The following DLGAP2 variants were observed in gnomAD, a reference collection of about 807,000 sequenced individuals.
DLGAP2 encodes the protein disks large-associated protein 2.
A neutral mutation model predicts 100.3 loss-of-function variants in DLGAP2; 26 were observed. The observed-to-expected ratio is 0.26, with a 90% CI of 0.19 to 0.36. The LOEUF (loss-of-function observed/expected upper bound fraction) is 0.36, where lower values mean the gene tolerates loss of function less well. Ranked by LOEUF, DLGAP2 falls within the 10% of genes least tolerant of loss-of-function variation. DLGAP2 has a pLI of 1.00. For missense variants in DLGAP2, 1,858 were observed against 1,453.2 expected (o/e 1.28, Z -4.53); for synonymous variants, 886 against 630.1 (o/e 1.41, Z -6.08).
chr8:1,603,336 G>A (rs906467576), intron 6 of DLGAP2, among the ~76,000 whole-genome samples: 1 of 151,318 alleles, frequency 6.6e-6, no homozygotes, highest in African/African-American at 2.4e-5. Flanking sequence ...GGTTAGAGTG[G>A]AGGCTGGGTC....
chr8:981,138 T>G (rs1355430111), intron 2 of DLGAP2, among the ~76,000 whole-genome samples: 1 of 152,134 alleles, frequency 6.6e-6, no homozygotes, highest in Admixed American at 6.6e-5. Flanking sequence ...AATTCCCCTA[T>G]GCTAGATATT....
At chr8:1,251,577 G>A (rs772594077) in intron 2 of DLGAP2, among the ~76,000 whole-genome samples, 83 of 152,290 alleles carry the variant, frequency 5.5e-4, no homozygotes, top group Middle Eastern at 3.4e-3. Flanking sequence ...GGGATTACAC[G>A]TGCAAGCCAC....
intron 1 of DLGAP2, among the ~76,000 whole-genome samples, chr8:791,130 T>A (rs191138127): frequency 6.6e-6 from 1 of 152,372 alleles, no homozygotes; most frequent in African/African-American, 2.4e-5. Context: ...CCCCGAATTT[T>A]AAAAATAATG....
At chr8:798,829 C>T (rs956362062) in intron 1 of DLGAP2, among the ~76,000 whole-genome samples, 46 of 149,606 alleles carry the variant, frequency 3.1e-4, no homozygotes, top group African/African-American at 1.0e-3. Flanking sequence ...CTTCCGTTGG[C>T]GCTGAAAGCA....
At chr8:975,683 A>G (rs1800144298) in intron 2 of DLGAP2, among the ~76,000 whole-genome samples, 1 of 152,210 alleles carries the variant, frequency 6.6e-6, no homozygotes, top group Non-Finnish European at 1.5e-5. Context: ...CCCAGCACCC[A>G]TTCATAATAA....
Position 1,464,729 on chromosome 8 carries a change from T to G in DLGAP2, c.107-36637T>G, listed in dbSNP as rs371741918. 1.1e-3 allele frequency among the ~76,000 whole-genome samples: 175 copies of G among 152,248 alleles called. 1 individual carries two copies. The highest frequency in any genetic ancestry group is 3.9e-3 in the African/African-American group (164 of 41,532). On this transcript the variant is annotated intron_variant, in intron 3 of 14. Coordinates refer to ENST00000637795, the MANE Select transcript of DLGAP2 (RefSeq NM_001346810.2). ...TCATTCTCCATGCTGAAAGTGACCT[T>G]GGGGGCCAGAAGGGCTCACTGCCTC...
chr8:1,167,786 G>C (rs1191751963), intron 2 of DLGAP2, among the ~76,000 whole-genome samples: 1 of 152,102 alleles, frequency 6.6e-6, no homozygotes, highest in African/African-American at 2.4e-5. Context: ...CTGACACTGA[G>C]GTACAAAGTC....
intron 6 of DLGAP2, among the ~76,000 whole-genome samples, chr8:1,616,269 G>T (rs1442513155): frequency 6.6e-6 from 1 of 152,110 alleles, no homozygotes; most frequent in Non-Finnish European, 1.5e-5. Flanking sequence ...GTAAGAAGAA[G>T]TGAAGGGACA....
intron 2 of DLGAP2, among the ~76,000 whole-genome samples, chr8:972,074 A>G (rs1045259765): frequency 2.0e-5 from 3 of 152,198 alleles, no homozygotes; most frequent in Non-Finnish European, 4.4e-5. Flanking sequence ...GGGGAAACCA[A>G]AAGTTGTAAC....
At chr8:1,310,947 A>T (rs560663318) in intron 3 of DLGAP2, among the ~76,000 whole-genome samples, 1 of 152,350 alleles carries the variant, frequency 6.6e-6, no homozygotes, top group Admixed American at 6.5e-5. Flanking sequence ...AGTAAAAAAG[A>T]GATCATTAAA....
intron 2 of DLGAP2, among the ~76,000 whole-genome samples, chr8:1,183,025 G>A (rs1369687308): frequency 1.3e-5 from 2 of 152,194 alleles, no homozygotes; most frequent in South Asian, 2.1e-4. Flanking sequence ...GCCAGTGCGG[G>A]GAACGTGAGA....
chr8:958,032 A>T (rs1030760001), intron 2 of DLGAP2, among the ~76,000 whole-genome samples: 2 of 152,186 alleles, frequency 1.3e-5, no homozygotes, highest in African/African-American at 4.8e-5. Flanking sequence ...ATTAAACAGC[A>T]GCCCTCGCTA....
At chr8:748,549 C>T (rs1268461794) in intron 1 of DLGAP2, among the ~76,000 whole-genome samples, 1 of 152,104 alleles carries the variant, frequency 6.6e-6, no homozygotes, top group African/African-American at 2.4e-5. Context: ...CAGCAGAGTC[C>T]AAAGCATAGA....
chr8:1,657,863 G>C (rs1454318859), intron 8 of DLGAP2, among the ~76,000 whole-genome samples: 1 of 152,112 alleles, frequency 6.6e-6, no homozygotes, highest in African/African-American at 2.4e-5. Flanking sequence ...ATAAACCCTG[G>C]TCCTTTTGTC....
At chr8:742,770 A>C (rs2132558574) in intron 1 of DLGAP2, among the ~76,000 whole-genome samples, 1 of 152,196 alleles carries the variant, frequency 6.6e-6, no homozygotes, top group South Asian at 2.1e-4. Context: ...GGCCTCCTCA[A>C]GTGCTGGGAT....
At position 1,000,668 on chromosome 8, in the gene DLGAP2, G is replaced by A. The variant is rs567514170; in HGVS notation, c.73+92702G>A. The stretch of plus-strand genomic sequence containing the variant: ...TTTTCCTCTTGGTTATGAACTGTCC[G>A]GTATTACTGTTTGCTTTGATGTGGA... On this transcript the variant is annotated intron_variant, in intron 2 of 14. Coordinates refer to ENST00000637795, the MANE Select transcript of DLGAP2 (RefSeq NM_001346810.2). 1.1e-4 allele frequency among the ~76,000 whole-genome samples: 17 copies of A among 152,244 alleles called. No homozygotes were observed. The South Asian group carries it at 3.1e-3, about 28-fold the overall frequency.
chr8:1,249,973 C>A (rs189159000), intron 2 of DLGAP2, among the ~76,000 whole-genome samples: 1 of 152,110 alleles, frequency 6.6e-6, no homozygotes, highest in Admixed American at 6.6e-5. Flanking sequence ...CTCTGCCTCC[C>A]AGGTTCAAGT....
intron 2 of DLGAP2, among the ~76,000 whole-genome samples, chr8:1,011,154 G>A (rs1331837875): frequency 6.7e-6 from 1 of 150,300 alleles, no homozygotes; most frequent in African/African-American, 2.5e-5. Flanking sequence ...GTGAGCTCTG[G>A]AATGAGGGGT....
intron 2 of DLGAP2, among the ~76,000 whole-genome samples, chr8:1,041,787 ACTCCGAGCCCCTTGTCGTGGGTGAGTGTT>A (rs1411741792): frequency 1.7e-5 from 1 of 58,130 alleles, no homozygotes; most frequent in African/African-American, 6.8e-5. Flanking sequence ...GGAAATGTGT[ACTCCGAGCCCCTTGTCGTGGGTGAGTGTT>A]CTCCGAGCTC....
Sources: allele counts gnomAD v4.1 joint callset (sites outside exome capture counted in the v4.1 genomes callset), GRCh38; gene constraint gnomAD v4.1.1; transcripts MANE v1.5; gene names NCBI Gene and HGNC (gene_info 2026-07-23, HGNC 2026-07-21).